Variants in MAML3 observed in about 807,000 individuals in gnomAD.
MAML3 encodes the protein mastermind-like protein 3.
MAML3 carries 27 observed loss-of-function variants against 101.9 expected under a neutral mutation model. That is an observed-to-expected ratio of 0.27 (90% CI 0.20 to 0.37). The LOEUF (loss-of-function observed/expected upper bound fraction) is 0.37, where lower values mean the gene tolerates loss of function less well. MAML3 is among the 10% of genes least tolerant of loss of function. The pLI, the probability that MAML3 is intolerant of heterozygous loss-of-function variation, is 1.00. For synonymous variants in MAML3, 501 were observed against 555.9 expected, an observed-to-expected ratio of 0.90 and a Z score of 1.39; for missense variants, 1,316 against 1,444.9, an observed-to-expected ratio of 0.91 and a Z score of 1.45.
intron 1 of MAML3, among the ~76,000 whole-genome samples, chr4:140,135,588 C>T (rs902563599): frequency 2.4e-4 from 37 of 152,226 alleles, no homozygotes; most frequent in African/African-American, 8.9e-4. Flanking sequence ...GGTCAGCCAC[C>T]GTACAGCAAG....
chr4:139,944,065 T>A (rs1330660747), intron 1 of MAML3, among the ~76,000 whole-genome samples: 1 of 151,944 alleles, frequency 6.6e-6, no homozygotes, highest in Non-Finnish European at 1.5e-5. Flanking sequence ...AGAGAGGGGA[T>A]TTCACCATGT....
intron 2 of MAML3, among the ~76,000 whole-genome samples, chr4:139,782,992 C>A (rs1297228554): frequency 2.6e-5 from 4 of 152,084 alleles, no homozygotes; most frequent in Non-Finnish European, 4.4e-5. Context: ...TGTTTGGGAA[C>A]CTCAAAAAAG....
intron 2 of MAML3, among the ~76,000 whole-genome samples, chr4:139,804,305 C>T (rs1011159119): frequency 6.6e-5 from 10 of 150,480 alleles, no homozygotes; most frequent in African/African-American, 2.5e-4. Context: ...TTGCTCTCAT[C>T]ACCCAGGCTG....
At position 139,914,300 on chromosome 4, in the gene MAML3, G is replaced by A. The variant is rs113209401; in HGVS notation, c.469-23333C>T. Among the ~76,000 whole-genome samples the A allele has an allele frequency of 1.5e-3, 228 of 152,226 alleles. 1 individual carries two copies. Among genetic ancestry groups the A allele is most frequent in the Admixed American group, 4.2e-3 (64 of 15,304 alleles). ...TTCATTCATTCAACAGGCACTCATC[G>A]AGCATCATTTATACACTAGGACCTA... On this transcript the variant is annotated intron_variant, in intron 1 of 4. Transcript: ENST00000509479.
At chr4:139,738,814 G>T (rs540157714) in intron 2 of MAML3, among the ~76,000 whole-genome samples, 2 of 152,078 alleles carry the variant, frequency 1.3e-5, no homozygotes, top group African/African-American at 4.8e-5. Context: ...TTAATATTTT[G>T]ATGTGTTTTT....
chr4:139,801,633 GGTGTGTGTGGGT>G (rs1258296252), intron 2 of MAML3, among the ~76,000 whole-genome samples: 168 of 146,518 alleles, frequency 1.1e-3, no homozygotes, highest in African/African-American at 3.9e-3. Flanking sequence ...GCAGGAACAG[GGTGTGTGTGGGT>G]GTGTGTGTGT....
At chr4:140,026,148 T>C (rs1578648600) in intron 1 of MAML3, among the ~76,000 whole-genome samples, 1 of 152,218 alleles carries the variant, frequency 6.6e-6, no homozygotes, top group Non-Finnish European at 1.5e-5. Flanking sequence ...ACTAAATCAT[T>C]AAACTTCCCT....
intron 1 of MAML3, among the ~76,000 whole-genome samples, chr4:139,905,977 A>G (rs546498414): frequency 6.6e-6 from 1 of 152,328 alleles, no homozygotes; most frequent in South Asian, 2.1e-4. Context: ...TCATTCTTGC[A>G]TGGCTGGTTA....
intron 1 of MAML3, among the ~76,000 whole-genome samples, chr4:140,077,612 G>A (rs957169762): frequency 6.6e-6 from 1 of 152,164 alleles, no homozygotes; most frequent in African/African-American, 2.4e-5. Flanking sequence ...TTACAGTTGC[G>A]GTGGGGTTTG....
chr4:139,725,502 T>C (rs967791247), intron 4 of MAML3, among the ~76,000 whole-genome samples: 6 of 152,202 alleles, frequency 3.9e-5, no homozygotes, highest in African/African-American at 1.4e-4. Context: ...CTCCGACAGC[T>C]ACCCTGACCC....
intron 1 of MAML3, among the ~76,000 whole-genome samples, chr4:139,988,739 T>C (rs1440865361): frequency 2.6e-5 from 4 of 152,148 alleles, no homozygotes; most frequent in African/African-American, 9.7e-5. Flanking sequence ...ACTCAAACTG[T>C]GTACTTAAAA....
chr4:140,089,993 A>G (rs1202956041), intron 1 of MAML3, among the ~76,000 whole-genome samples: 1 of 152,382 alleles, frequency 6.6e-6, no homozygotes, highest in East Asian at 1.9e-4. Context: ...AGTACATTTT[A>G]CTGGATGTGA....
At chr4:140,075,729 C>T (rs1475578255) in intron 1 of MAML3, among the ~76,000 whole-genome samples, 2 of 150,992 alleles carry the variant, frequency 1.3e-5, no homozygotes, top group African/African-American at 4.9e-5. Context: ...GTAGAGATGA[C>T]GTCTCCCTAT....
At chr4:140,047,327 G>A (rs939479548) in intron 1 of MAML3, among the ~76,000 whole-genome samples, 12 of 152,216 alleles carry the variant, frequency 7.9e-5, no homozygotes, top group Admixed American at 2.0e-4. Context: ...AGGAAATTCA[G>A]GGCAGCGGAG....
chr4:139,742,851 G>A (rs1729210686), intron 2 of MAML3, among the ~76,000 whole-genome samples: 1 of 152,162 alleles, frequency 6.6e-6, no homozygotes, highest in South Asian at 2.1e-4. Flanking sequence ...TATAACAATA[G>A]AGGCCTTCAA....
intron 1 of MAML3, among the ~76,000 whole-genome samples, chr4:140,086,934 T>G (rs1269851201): frequency 3.3e-5 from 5 of 152,076 alleles, no homozygotes; most frequent in African/African-American, 1.2e-4. Flanking sequence ...GTGAGGTGGG[T>G]GGATCACCTG....
chr4:140,062,495 C>A (rs1334839017), intron 1 of MAML3, among the ~76,000 whole-genome samples: 1 of 152,174 alleles, frequency 6.6e-6, no homozygotes, highest in African/African-American at 2.4e-5. Context: ...GTTTAACGAC[C>A]AGTGTCAGCT....
At chr4:140,001,452 G>A (rs576825212) in intron 1 of MAML3, among the ~76,000 whole-genome samples, 6 of 152,292 alleles carry the variant, frequency 3.9e-5, no homozygotes, top group East Asian at 3.9e-4. Context: ...TTAATAAGTC[G>A]CAGAGTGAGA....
intron 2 of MAML3, among the ~76,000 whole-genome samples, chr4:139,851,101 A>G (rs773800988): frequency 2.6e-5 from 4 of 152,196 alleles, no homozygotes; most frequent in Non-Finnish European, 5.9e-5. Context: ...CTCCTTTCAA[A>G]TACTGTCCCT....
Sources: allele counts gnomAD v4.1 joint callset (sites outside exome capture counted in the v4.1 genomes callset), GRCh38; gene constraint gnomAD v4.1.1; transcripts MANE v1.5; gene names NCBI Gene and HGNC (gene_info 2026-07-23, HGNC 2026-07-21).